The following ZSCAN5A variants were observed in gnomAD, a reference collection of about 807,000 sequenced individuals.
The protein encoded by ZSCAN5A is zinc finger and SCAN domain-containing protein 5A.
A neutral mutation model predicts 23.7 loss-of-function variants in ZSCAN5A; 12 were observed. The observed-to-expected ratio is 0.51, with a 90% CI of 0.32 to 0.82. ZSCAN5A has a LOEUF of 0.82. ZSCAN5A is among the 40% of genes least tolerant of loss of function. The pLI, the probability that ZSCAN5A is intolerant of heterozygous loss-of-function variation, is 0.03. For synonymous variants in ZSCAN5A, 257 were observed against 239.9 expected, an observed-to-expected ratio of 1.07 and a Z score of -0.66; for missense variants, 597 against 617.9, an observed-to-expected ratio of 0.97 and a Z score of 0.36.
chr19:56,262,480 G>A (rs557621111), intron 2 of ZSCAN5A, among the ~76,000 whole-genome samples: 1 of 150,588 alleles, frequency 6.6e-6, no homozygotes, highest in African/African-American at 2.4e-5. Context: ...GGCGTGCAAT[G>A]GCATGATCTT....
intron 2 of ZSCAN5A, among the ~76,000 whole-genome samples, chr19:56,353,485 T>G (rs112879825): frequency 3.3e-5 from 5 of 152,198 alleles, no homozygotes; most frequent in African/African-American, 9.6e-5. Context: ...AAAATGATAT[T>G]GAGGCCGGGC....
rs577513858 is a variant in ZSCAN5A, at chr19:56,222,640, T to G, written c.690A>C (p.Glu230Asp). Residue 230 changes from glutamate to aspartate, a missense_variant, in exon 5 of 6, where the codon GAA becomes GAC. Transcript: ENST00000683990. ...CTGGGGATGTCAGTCCTGGGTTCTC[T>G]TCCCTGTTTTCCTTCAGATCCTTCT... is the stretch of plus-strand genomic sequence containing the variant. ...TLEKDLKENR[E>D]ENPGLTSPEP... The G allele has an allele frequency of 1.5e-5, 25 of 1,614,194 alleles. No homozygotes were observed. In the East Asian group the frequency reaches 4.2e-4, roughly 27 times the overall value.
In ZSCAN5A at chr19:56,313,369, G is replaced by A. The variant is rs537463526; in HGVS notation, c.-214C>T. The A allele has an allele frequency of 4.7e-6, 1 of 214,702 alleles. No homozygotes were observed. Among genetic ancestry groups the A allele is most frequent in the Non-Finnish European group, 9.8e-6 (1 of 101,782 alleles). The allele number at this position is 214,702 out of a possible 1,614,324, so 13.3% of individuals were successfully genotyped here. On this transcript the variant is annotated 5_prime_UTR_variant, in exon 2 of 6. An upstream open reading frame in the 5' UTR gains an earlier in-frame stop. Transcript: ENST00000683990. ...GGCAGCAGACAAGAGAAGAGAGCTT[G>A]AGCAGGGAACCTCCCCTTTATAAAA...
chr19:56,261,248 A>AGT (rs1193372203), intron 2 of ZSCAN5A, among the ~76,000 whole-genome samples: 1 of 152,126 alleles, frequency 6.6e-6, no homozygotes, highest in Non-Finnish European at 1.5e-5. Flanking sequence ...CTTAAGTGAC[A>AGT]GAGACAGGAA....
intron 2 of ZSCAN5A, among the ~76,000 whole-genome samples, chr19:56,254,803 G>A (rs957083442): frequency 6.6e-6 from 1 of 152,128 alleles, no homozygotes; most frequent in African/African-American, 2.4e-5. Flanking sequence ...GTGAGGTGGA[G>A]TGCCTTTTCT....
At chr19:56,270,499 A>G (rs2037772218) in intron 2 of ZSCAN5A, among the ~76,000 whole-genome samples, 1 of 152,208 alleles carries the variant, frequency 6.6e-6, no homozygotes, top group African/African-American at 2.4e-5. Context: ...GAATAAATGT[A>G]AAAACACACA....
At chr19:56,295,656 C>T (rs2039823567) in intron 2 of ZSCAN5A, among the ~76,000 whole-genome samples, 1 of 152,118 alleles carries the variant, frequency 6.6e-6, no homozygotes, top group Non-Finnish European at 1.5e-5. Flanking sequence ...GTGGCGGCTT[C>T]CTTCCCAGCC....
intron 2 of ZSCAN5A, among the ~76,000 whole-genome samples, chr19:56,305,991 G>C (rs1256493342): frequency 6.6e-6 from 1 of 151,866 alleles, no homozygotes; most frequent in Non-Finnish European, 1.5e-5. Flanking sequence ...GGAGGGAGTG[G>C]GAGGGCACTA....
chr19:56,246,951 C>G, intron 2 of ZSCAN5A: 1 of 1,527,634 alleles, frequency 6.5e-7, no homozygotes, highest in Non-Finnish European at 9.1e-7. Context: ...CACCTGTGGG[C>G]AACAGCGAAT....
chr19:56,244,737 G>A (rs1401108441), intron 2 of ZSCAN5A, among the ~76,000 whole-genome samples: 1 of 150,342 alleles, frequency 6.7e-6, no homozygotes, highest in Non-Finnish European at 1.5e-5. Flanking sequence ...GGCAGAGGGG[G>A]TACAGGGACC....
At chr19:56,322,553 T>G (rs1355048602) in intron 2 of ZSCAN5A, among the ~76,000 whole-genome samples, 1 of 152,228 alleles carries the variant, frequency 6.6e-6, no homozygotes, top group Non-Finnish European at 1.5e-5. Context: ...TTGTGGATCT[T>G]ACCTCTCTGT....
upstream of ZSCAN5A, chr19:56,315,309 T>G (rs2041284619): frequency 6.6e-6 from 1 of 152,320 alleles, no homozygotes; most frequent in Non-Finnish European, 1.5e-5. Flanking sequence ...TCTGCGTCCG[T>G]GAAGCCTAGA....
intron 2 of ZSCAN5A, among the ~76,000 whole-genome samples, chr19:56,238,081 GAC>G (rs1411711719): frequency 2.6e-5 from 1 of 37,818 alleles, no homozygotes; most frequent in Non-Finnish European, 6.2e-5. Flanking sequence ...CACACACAGA[GAC>G]ACACCCGGAC....
At chr19:56,307,473 C>G (rs1268801682) in intron 2 of ZSCAN5A, among the ~76,000 whole-genome samples, 2 of 152,178 alleles carry the variant, frequency 1.3e-5, no homozygotes, top group Admixed American at 6.5e-5. Flanking sequence ...ACCAGAGGTA[C>G]TTTTCCTAAG....
chr19:56,285,687 G>A (rs1463873742), intron 2 of ZSCAN5A, among the ~76,000 whole-genome samples: 1 of 152,010 alleles, frequency 6.6e-6, no homozygotes, highest in Non-Finnish European at 1.5e-5. Context: ...CACTATGTCG[G>A]CCAGGCTGGT....
intron 1 of ZSCAN5A, among the ~76,000 whole-genome samples, chr19:56,364,708 T>C (rs1157143904): frequency 6.6e-6 from 1 of 152,332 alleles, no homozygotes; most frequent in East Asian, 1.9e-4. Flanking sequence ...ATGCATAAAC[T>C]AACTGGTACA....
intron 2 of ZSCAN5A, among the ~76,000 whole-genome samples, chr19:56,344,595 AC>A (rs1568761407): frequency 6.7e-6 from 1 of 148,740 alleles, no homozygotes; most frequent in Non-Finnish European, 1.5e-5. Context: ...ACACGGAGAA[AC>A]CCCGTCTCTA....
chr19:56,349,157 G>C (rs1389990907), intron 2 of ZSCAN5A, among the ~76,000 whole-genome samples: 2 of 152,142 alleles, frequency 1.3e-5, no homozygotes, highest in African/African-American at 4.8e-5. Flanking sequence ...AACCTCTCTA[G>C]CTCACTTCCA....
intron 2 of ZSCAN5A, among the ~76,000 whole-genome samples, chr19:56,262,170 A>G (rs1044966196): frequency 2.6e-5 from 4 of 151,932 alleles, no homozygotes; most frequent in African/African-American, 4.8e-5. Flanking sequence ...GGCGCCTGCC[A>G]CCATGATCGG....
Sources: allele counts gnomAD v4.1 joint callset (sites outside exome capture counted in the v4.1 genomes callset), GRCh38; gene constraint gnomAD v4.1.1; transcripts MANE v1.5; gene names NCBI Gene and HGNC (gene_info 2026-07-23, HGNC 2026-07-21).